PDGFRL: variants seen among roughly 807,000 people sequenced by gnomAD.
PDGFRL encodes the protein platelet derived growth factor receptor like.
A neutral mutation model predicts 37.2 loss-of-function variants in PDGFRL; 46 were observed. The observed-to-expected ratio is 1.24, with a 90% CI of 0.98 to 1.58. PDGFRL has a LOEUF of 1.58. Ranked by LOEUF, PDGFRL falls within the 40% of genes most tolerant of loss-of-function variation. PDGFRL has a pLI of 0.00. For synonymous variants in PDGFRL, 251 were observed against 184.3 expected (o/e 1.36, Z -2.93); for missense variants, 692 against 467.6 (o/e 1.48, Z -4.43).
In PDGFRL at chr8:17,628,470, C is replaced by G. The variant is rs201353493; in HGVS notation, c.506-17C>G. 247 of 1,608,730 alleles carry G rather than the reference C, an allele frequency of 1.5e-4. 2 individuals carry two copies. The African/African-American group carries it at 3.0e-3, about 20-fold the overall frequency. On this transcript the variant is annotated splice_polypyrimidine_tract_variant and intron_variant, in intron 3 of 5. Transcript: ENST00000251630. ...GTCTCCGGAGTGAATAAGCCTGTGTCTTCCTTCCCTTTGCAGAGAAAGGAG... is the reference window on the plus strand; with the variant it reads ...GTCTCCGGAGTGAATAAGCCTGTGTGTTCCTTCCCTTTGCAGAGAAAGGAG...
intron 2 of PDGFRL, among the ~76,000 whole-genome samples, chr8:17,609,374 G>A (rs1041169384): frequency 2.0e-5 from 3 of 151,882 alleles, no homozygotes; most frequent in Non-Finnish European, 2.9e-5. Flanking sequence ...AGGTGTGGTA[G>A]TGGGCACCTG....
chr8:17,616,903 A>T (rs1804541284), intron 2 of PDGFRL, among the ~76,000 whole-genome samples: 1 of 152,214 alleles, frequency 6.6e-6, no homozygotes, highest in Non-Finnish European at 1.5e-5. Flanking sequence ...CGGGGCAGAC[A>T]GGAAATGGAC....
At chr8:17,615,240 T>C (rs575916892) in intron 2 of PDGFRL, among the ~76,000 whole-genome samples, 16 of 152,318 alleles carry the variant, frequency 1.1e-4, no homozygotes, top group African/African-American at 3.4e-4. Context: ...GAAAACAGTG[T>C]ACCGTTTCTA....
chr8:17,586,080 T>C (rs529762811), intron 1 of PDGFRL, among the ~76,000 whole-genome samples: 1 of 152,282 alleles, frequency 6.6e-6, no homozygotes, highest in African/African-American at 2.4e-5. Flanking sequence ...GCCTCCCAAG[T>C]AGCTGGGACT....
At chr8:17,615,320 G>GTA in intron 2 of PDGFRL, among the ~76,000 whole-genome samples, 1 of 152,068 alleles carries the variant, frequency 6.6e-6, no homozygotes, top group Middle Eastern at 3.4e-3. Context: ...TTGGGAGTGT[G>GTA]TGTGTGTGCA....
At chr8:17,610,775 G>T (rs546743746) in intron 2 of PDGFRL, among the ~76,000 whole-genome samples, 10 of 152,238 alleles carry the variant, frequency 6.6e-5, no homozygotes, top group African/African-American at 2.4e-4. Context: ...GCCGGGCCTG[G>T]TGGCGCATGC....
intron 5 of PDGFRL, among the ~76,000 whole-genome samples, chr8:17,639,659 A>G (rs1460238996): frequency 6.6e-6 from 1 of 152,110 alleles, no homozygotes; most frequent in East Asian, 1.9e-4. Flanking sequence ...TTAATCTGAC[A>G]TGTTTTCCTT....
intron 2 of PDGFRL, among the ~76,000 whole-genome samples, chr8:17,605,669 T>C (rs769490434): frequency 5.9e-5 from 9 of 152,102 alleles, no homozygotes; most frequent in Non-Finnish European, 8.8e-5. Context: ...TCAGCTATGT[T>C]GTCAGCAACA....
chr8:17,628,439 C>CT, intron 3 of PDGFRL, 48 bp from the exon 4 acceptor site: 2 of 1,506,200 alleles, frequency 1.3e-6, no homozygotes, highest in Non-Finnish European at 1.8e-6. Context: ...GGTGCTTTTA[C>CT]TTTGCGTCTC....
intron 3 of PDGFRL, among the ~76,000 whole-genome samples, chr8:17,627,989 CTTTTTTTTTTT>C (rs35707610): frequency 1.8e-4 from 16 of 89,212 alleles, no homozygotes; most frequent in Admixed American, 7.0e-4. Context: ...TTCTTTCTTT[CTTTTTTTTTTT>C]TTTTTTTTTT....
chr8:17,583,819 A>G (rs1362970951), intron 1 of PDGFRL, among the ~76,000 whole-genome samples: 2 of 152,048 alleles, frequency 1.3e-5, no homozygotes, highest in Non-Finnish European at 2.9e-5. Context: ...TTCTCTCTCC[A>G]TGTGATCTCT....
intron 3 of PDGFRL, among the ~76,000 whole-genome samples, chr8:17,626,388 C>A (rs1488169573): frequency 6.6e-6 from 1 of 152,162 alleles, no homozygotes; most frequent in Non-Finnish European, 1.5e-5. Context: ...AAGACGGAGA[C>A]TCTCTGAGCC....
chr8:17,628,635 C>CA lies in PDGFRL; in HGVS notation c.656dup (p.Asn219LysfsTer8). 1 of 1,614,180 alleles carries CA rather than the reference C, an allele frequency of 6.2e-7. No individual in the cohort carries two copies. Among genetic ancestry groups the CA allele is most frequent in the Non-Finnish European group, 8.5e-7 (1 of 1,180,028 alleles). On this transcript the variant is annotated frameshift_variant, in exon 4 of 6. Coordinates refer to ENST00000251630, the MANE Select transcript of PDGFRL (RefSeq NM_001372073.1). LOFTEE classifies it high-confidence loss of function. Reference sequence around the variant, plus strand: ...AATTCCCAGCCAAGGAGATCCCAGCCAATGGAACGGACATTGTTTATGACA... The same window carrying CA: ...AATTCCCAGCCAAGGAGATCCCAGCCAAATGGAACGGACATTGTTTATGACA...
chr8:17,642,586 T>G, intron 5 of PDGFRL, 27 bp from the exon 6 acceptor site: 1 of 1,477,990 alleles, frequency 6.8e-7, no homozygotes, highest in Non-Finnish European at 9.5e-7. Flanking sequence ...CCCTCTTGCT[T>G]CAGTCTTTGT....
intron 2 of PDGFRL, among the ~76,000 whole-genome samples, chr8:17,612,578 C>T (rs1804443315): frequency 6.6e-6 from 1 of 152,146 alleles, no homozygotes. Context: ...ACCATATTGG[C>T]CAGGCTGGTC....
chr8:17,588,131 A>G (rs1803855628), intron 1 of PDGFRL, among the ~76,000 whole-genome samples: 1 of 140,532 alleles, frequency 7.1e-6, no homozygotes, highest in Non-Finnish European at 1.6e-5. Context: ...GCTTTTTATT[A>G]TCACTATTTG....
At chr8:17,617,997 C>CT (rs377333888) in intron 2 of PDGFRL, among the ~76,000 whole-genome samples, 22 of 33,956 alleles carry the variant, frequency 6.5e-4, no homozygotes, top group Non-Finnish European at 1.1e-3. Context: ...CTTTTCTTTT[C>CT]TTTTTTTTTT....
intron 4 of PDGFRL, among the ~76,000 whole-genome samples, chr8:17,633,754 C>T (rs1651661794): frequency 6.6e-6 from 1 of 152,172 alleles, no homozygotes; most frequent in South Asian, 2.1e-4. Context: ...TGCTTCTTCC[C>T]TAGGGACTTC....
At chr8:17,616,169 ATTATTTAT>A (rs58323480) in intron 2 of PDGFRL, among the ~76,000 whole-genome samples, 29,500 of 144,068 alleles carry the variant, frequency 0.2, 3,230 homozygotes, top group Middle Eastern at 0.33. Flanking sequence ...TATTATTGTT[ATTATTTAT>A]TTATTTATTT....
Sources: allele counts gnomAD v4.1 joint callset (sites outside exome capture counted in the v4.1 genomes callset), GRCh38; gene constraint gnomAD v4.1.1; transcripts MANE v1.5; gene names NCBI Gene and HGNC (gene_info 2026-07-23, HGNC 2026-07-21).